Variants in DIP2B observed in about 807,000 individuals in gnomAD.
The protein encoded by DIP2B is disco-interacting protein 2 homolog B.
Under a neutral mutation model 198.0 loss-of-function variants are expected in DIP2B, and 76 were observed. The ratio of observed to expected loss-of-function variants is 0.38; its 90% CI spans 0.32 to 0.46. The LOEUF (loss-of-function observed/expected upper bound fraction) is 0.46. Ranked by LOEUF, DIP2B falls within the 20% of genes least tolerant of loss-of-function variation. The probability of loss-of-function intolerance (pLI) is 0.99; values close to 1 mark genes in which losing one functional copy is unlikely to be tolerated. For synonymous variants in DIP2B, 701 were observed against 739.1 expected (o/e 0.95, Z 0.84); for missense variants, 1,559 against 1,978.4 (o/e 0.79, Z 4.02).
At chr12:50,719,756 G>A (rs958296017) in intron 25 of DIP2B, among the ~76,000 whole-genome samples, 9 of 151,644 alleles carry the variant, frequency 5.9e-5, no homozygotes, top group South Asian at 4.2e-4. Flanking sequence ...CAGGAGAATC[G>A]CTTGAATCCG....
At position 50,671,328 on chromosome 12, in the gene DIP2B, T is replaced by C. The variant is rs770412969; in HGVS notation, c.570T>C (p.Ser190=). 17 of 1,614,186 alleles carry C rather than the reference T, an allele frequency of 1.1e-5. No individual in the cohort carries two copies. Among genetic ancestry groups the C allele is most frequent in the Non-Finnish European group, 1.4e-5 (16 of 1,180,034 alleles). ...CGTCCACTTCTTCATCCGCATCTTC[T>C]ACGCTGTCCCACGGAGAGGTCAAAG... The part of the protein sequence containing the change: ...QGSSTSSSAS[S]TLSHGEVKGT... Residue 190 remains serine, a synonymous_variant, in exon 5 of 38, where the codon TCT becomes TCC. Transcript: ENST00000301180.
At chr12:50,678,900 C>A (rs2139532437) in intron 8 of DIP2B, 24 bp downstream of exon 8, 2 of 1,613,398 alleles carry the variant, frequency 1.2e-6, no homozygotes, top group South Asian at 2.2e-5. Context: ...ATTCCAGATC[C>A]TTCTCTCCTG....
intron 1 of DIP2B, among the ~76,000 whole-genome samples, chr12:50,594,263 T>C (rs1448195265): frequency 1.3e-5 from 2 of 152,108 alleles, no homozygotes; most frequent in East Asian, 3.9e-4. Context: ...TCTTTTTAAA[T>C]GTGAGGTATC....
At chr12:50,618,978 T>G (rs879571201) in intron 1 of DIP2B, among the ~76,000 whole-genome samples, 1 of 152,230 alleles carries the variant, frequency 6.6e-6, no homozygotes, top group Non-Finnish European at 1.5e-5. Context: ...CTTTGTTTAA[T>G]GACCTGCATA....
chr12:50,699,320 G>A (rs1221325765), intron 19 of DIP2B, 118 bp downstream of exon 19: 1 of 1,428,862 alleles, frequency 7.0e-7, no homozygotes, highest in Non-Finnish European at 9.4e-7. Flanking sequence ...GTACTCTGGA[G>A]CTAGACTTGC....
intron 1 of DIP2B, among the ~76,000 whole-genome samples, chr12:50,535,779 C>G (rs976849531): frequency 1.7e-4 from 25 of 151,468 alleles, no homozygotes; most frequent in Non-Finnish European, 2.9e-4. Flanking sequence ...ACATGTGCCA[C>G]GCTAGTGTGC....
Position 50,580,538 on chromosome 12 carries a change from C to CTTTTTTTTTTTTT in DIP2B, c.101-45435_101-45423dup, listed in dbSNP as rs35098719. ...TACTTTATCCTTTCTTTTCTTTTTCCTTTTTTTTTTTTTTTGAGACTGTGT... is the reference window on the plus strand; with the variant it reads ...TACTTTATCCTTTCTTTTCTTTTTCCTTTTTTTTTTTTTTTTTTTTTTTTTTTTGAGACTGTGT... On this transcript the variant is annotated intron_variant, in intron 1 of 37. Transcript: ENST00000301180. Among the ~76,000 whole-genome samples the CTTTTTTTTTTTTT allele has an allele frequency of 1.6e-5, 2 of 127,216 alleles. 1 individual carries two copies. Among genetic ancestry groups the CTTTTTTTTTTTTT allele is most frequent in the Non-Finnish European group, 3.2e-5 (2 of 63,302 alleles). 83.5% of individuals were successfully genotyped at this position (127,216 alleles called of 152,430 possible).
intron 4 of DIP2B, among the ~76,000 whole-genome samples, chr12:50,664,413 A>G (rs1039632367): frequency 1.3e-5 from 2 of 152,170 alleles, no homozygotes; most frequent in South Asian, 4.1e-4. Context: ...GTAGCAATCT[A>G]TGGTTCTTTT....
Position 50,686,672 on chromosome 12 carries a change from C to T in DIP2B, c.1541C>T (p.Ala514Val). 3.1e-6 allele frequency: 5 copies of T among 1,613,876 alleles called. No individual in the cohort carries two copies. The highest frequency in any genetic ancestry group is 4.2e-6 in the Non-Finnish European group (5 of 1,179,890). Residue 514 changes from alanine to valine, a missense_variant, in exon 12 of 38, where the codon GCA becomes GTA. Coordinates refer to ENST00000301180, the MANE Select transcript of DIP2B (RefSeq NM_173602.3). ...PHISPAGTEPAYIEYKTSKEG... is the reference protein window; with the variant it reads ...PHISPAGTEPVYIEYKTSKEG... Reference sequence around the variant, plus strand: ...ATCTCACCTGCTGGGACAGAACCGGCATACATTGAGGTAAGTCCTAAGATG... The same window carrying T: ...ATCTCACCTGCTGGGACAGAACCGGTATACATTGAGGTAAGTCCTAAGATG...
chr12:50,596,443 A>G (rs1958879415), intron 1 of DIP2B, among the ~76,000 whole-genome samples: 1 of 152,176 alleles, frequency 6.6e-6, no homozygotes, highest in Non-Finnish European at 1.5e-5. Flanking sequence ...ATCTCTTCCT[A>G]ATGGCTGTAT....
At chr12:50,668,842 C>T (rs919066883) in intron 4 of DIP2B, among the ~76,000 whole-genome samples, 5 of 151,964 alleles carry the variant, frequency 3.3e-5, no homozygotes, top group Non-Finnish European at 7.4e-5. Flanking sequence ...ATTTGTGTCC[C>T]GGGGTACAGT....
chr12:50,568,399 G>A (rs188501905), intron 1 of DIP2B, among the ~76,000 whole-genome samples: 2 of 152,246 alleles, frequency 1.3e-5, no homozygotes, highest in East Asian at 1.9e-4. Flanking sequence ...TAGGGCCAGC[G>A]GAGGAAAACA....
At chr12:50,565,948 CT>C (rs60749403) in intron 1 of DIP2B, among the ~76,000 whole-genome samples, 9,795 of 149,264 alleles carry the variant, frequency 0.066, 739 homozygotes, top group East Asian at 0.36. Context: ...TCCATTTCAT[CT>C]TTTTTTTTTA....
chr12:50,740,895 A>C (rs879269618), intron 36 of DIP2B, among the ~76,000 whole-genome samples: 5 of 151,974 alleles, frequency 3.3e-5, no homozygotes, highest in Non-Finnish European at 7.4e-5. Flanking sequence ...TTGTCCTTAA[A>C]AGCTCAGCTC....
chr12:50,639,603 T>C (rs980278147), intron 2 of DIP2B, among the ~76,000 whole-genome samples: 9 of 152,046 alleles, frequency 5.9e-5, no homozygotes, highest in African/African-American at 1.7e-4. Context: ...TTTTTTTTTT[T>C]CCTTAATTTT....
chr12:50,692,038 C>G (rs1322593884), intron 13 of DIP2B, among the ~76,000 whole-genome samples: 1 of 151,964 alleles, frequency 6.6e-6, no homozygotes, highest in Admixed American at 6.6e-5. Flanking sequence ...GCACTCTAGC[C>G]TGGGTGACAG....
At chr12:50,510,334 G>A (rs966103677) in intron 1 of DIP2B, among the ~76,000 whole-genome samples, 7 of 152,142 alleles carry the variant, frequency 4.6e-5, no homozygotes, top group Admixed American at 3.3e-4. Context: ...TGTGTATTTT[G>A]AAAAATTAAT....
chr12:50,540,053 GTTTTTTTTTTT>G (rs60978324), intron 1 of DIP2B, among the ~76,000 whole-genome samples: 16,434 of 44,754 alleles, frequency 0.37, 1,146 homozygotes, highest in East Asian at 0.53. Context: ...TTGTTTCTGT[GTTTTTTTTTTT>G]TTTTTTTTTT....
chr12:50,505,065 G>A lies in DIP2B; in HGVS notation c.-76G>A. ...GCGGCCGGAGCCGGATCCTGTAGCC[G>A]GGTGTGGGCCCGTGTCTGTCCGTCC... is the stretch of plus-strand genomic sequence containing the variant. On this transcript the variant is annotated 5_prime_UTR_variant, in exon 1 of 38. Coordinates refer to ENST00000301180, the MANE Select transcript of DIP2B (RefSeq NM_173602.3). The A allele has an allele frequency of 1.4e-6, 2 of 1,398,286 alleles. No individual in the cohort carries two copies. The highest frequency in any genetic ancestry group is 1.9e-6 in the Non-Finnish European group (2 of 1,031,326). The allele number at this position is 1,398,286 out of a possible 1,614,324, so 86.6% of individuals were successfully genotyped here.
Sources: allele counts gnomAD v4.1 joint callset (sites outside exome capture counted in the v4.1 genomes callset), GRCh38; gene constraint gnomAD v4.1.1; transcripts MANE v1.5; gene names NCBI Gene and HGNC (gene_info 2026-07-23, HGNC 2026-07-21).